The following GPC5 variants were observed in gnomAD, a reference collection of about 807,000 sequenced individuals.
GPC5 encodes glypican 5.
GPC5 carries 47 observed loss-of-function variants against 53.9 expected under a neutral mutation model. The ratio of observed to expected loss-of-function variants is 0.87; its 90% CI spans 0.69 to 1.11. GPC5 has a LOEUF of 1.11. GPC5 is among the 50% of genes most tolerant of loss of function. GPC5 has a pLI of 0.00. For synonymous variants in GPC5, 286 were observed against 263.3 expected (o/e 1.09, Z -0.84); for missense variants, 748 against 713.1 (o/e 1.05, Z -0.56).
Position 91,756,431 on chromosome 13 carries a change from T to C in GPC5, c.1280+11T>C. ...AGATATAGTAAAAAGGTATTTTATG[T>C]GGTCTGTGAAAACCTACTAGTTACA... On this transcript the variant is annotated intron_variant, in intron 5 of 7. Coordinates refer to ENST00000377067, the MANE Select transcript of GPC5 (RefSeq NM_004466.6). 6.4e-7 allele frequency: 1 copy of C among 1,561,696 alleles called. No individual in the cohort carries two copies.
At chr13:91,706,870 C>G (rs569993931) in intron 3 of GPC5, among the ~76,000 whole-genome samples, 3 of 151,692 alleles carry the variant, frequency 2.0e-5, no homozygotes, top group Admixed American at 6.6e-5. Context: ...TAGTGAATAT[C>G]GAGTAGTTAG....
At chr13:92,279,324 A>C (rs2042897096) in intron 7 of GPC5, among the ~76,000 whole-genome samples, 1 of 152,006 alleles carries the variant, frequency 6.6e-6, no homozygotes, top group Non-Finnish European at 1.5e-5. Context: ...TTGATTGTTC[A>C]TTGCCATTGT....
At chr13:92,244,123 C>A (rs1594031596) in intron 7 of GPC5, among the ~76,000 whole-genome samples, 1 of 152,140 alleles carries the variant, frequency 6.6e-6, no homozygotes, top group South Asian at 2.1e-4. Flanking sequence ...TTCATAAGAA[C>A]TGAAGCTTAA....
chr13:92,676,836 C>T (rs1886958868), intron 7 of GPC5, among the ~76,000 whole-genome samples: 1 of 152,044 alleles, frequency 6.6e-6, no homozygotes, highest in Non-Finnish European at 1.5e-5. Context: ...TAGAAACCTT[C>T]TATTCAAATA....
chr13:91,497,514 T>C (rs1034605701), intron 2 of GPC5, among the ~76,000 whole-genome samples: 2 of 152,232 alleles, frequency 1.3e-5, no homozygotes, highest in African/African-American at 2.4e-5. Context: ...AAGTCACTTA[T>C]TGATTGCATT....
rs947199504 is a variant in GPC5, at chr13:91,606,346, A to G, written c.326-86841A>G. On this transcript the variant is annotated intron_variant, in intron 2 of 7. Coordinates refer to ENST00000377067, the MANE Select transcript of GPC5 (RefSeq NM_004466.6). ...GATAAGCTTTTTGATGTGCTGCTGGATTCTGTTTGCCAGTATTTTATTGAG... is the reference window on the plus strand; with the variant it reads ...GATAAGCTTTTTGATGTGCTGCTGGGTTCTGTTTGCCAGTATTTTATTGAG... Among the ~76,000 whole-genome samples the G allele has an allele frequency of 2.4e-3, 352 of 148,112 alleles. 2 individuals carry two copies. Among genetic ancestry groups the G allele is most frequent in the African/African-American group, 7.9e-3 (320 of 40,386 alleles).
intron 6 of GPC5, among the ~76,000 whole-genome samples, chr13:91,913,396 C>CAAA (rs112059435): frequency 1.5e-4 from 15 of 101,014 alleles, no homozygotes; most frequent in African/African-American, 1.8e-4. Flanking sequence ...AAGACTCTGT[C>CAAA]AAAAAAAAAA....
At chr13:92,030,374 G>T (rs61966419) in intron 6 of GPC5, among the ~76,000 whole-genome samples, 46 of 151,992 alleles carry the variant, frequency 3.0e-4, no homozygotes, top group Non-Finnish European at 6.3e-4. Context: ...TCTTTCTGTT[G>T]CATTCGTTGA....
chr13:92,780,021 G>C (rs923568302), intron 7 of GPC5, among the ~76,000 whole-genome samples: 1 of 151,920 alleles, frequency 6.6e-6, no homozygotes, highest in African/African-American at 2.4e-5. Flanking sequence ...ATATCCCCAG[G>C]CTATGAAATT....
chr13:91,606,167 GT>G (rs963877048), intron 2 of GPC5, among the ~76,000 whole-genome samples: 62 of 146,698 alleles, frequency 4.2e-4, no homozygotes, highest in African/African-American at 1.5e-3. Flanking sequence ...AGCATGAAGG[GT>G]TGTTGAATTT....
chr13:92,709,124 T>C (rs1026710944), intron 7 of GPC5, among the ~76,000 whole-genome samples: 2 of 151,736 alleles, frequency 1.3e-5, no homozygotes, highest in Non-Finnish European at 1.5e-5. Context: ...CTCAGCTCAC[T>C]GCAACCTCCG....
chr13:92,461,230 G>A (rs1384140641), intron 7 of GPC5, among the ~76,000 whole-genome samples: 1 of 152,150 alleles, frequency 6.6e-6, no homozygotes, highest in Admixed American at 6.6e-5. Context: ...GATTTTTGAG[G>A]AGCAGAAAAA....
intron 2 of GPC5, among the ~76,000 whole-genome samples, chr13:91,676,109 C>T (rs1307990146): frequency 3.3e-5 from 5 of 152,128 alleles, no homozygotes; most frequent in Admixed American, 6.5e-5. Flanking sequence ...CTCCCTCTGT[C>T]GCCCAGGCTG....
chr13:91,461,890 A>C (rs993866175), intron 2 of GPC5, among the ~76,000 whole-genome samples: 3 of 152,204 alleles, frequency 2.0e-5, no homozygotes, highest in African/African-American at 7.2e-5. Context: ...TCACATTGTG[A>C]GTGCTTAGGA....
chr13:92,845,969 C>T (rs934381608), intron 7 of GPC5, among the ~76,000 whole-genome samples: 1 of 152,058 alleles, frequency 6.6e-6, no homozygotes, highest in African/African-American at 2.4e-5. Flanking sequence ...TAAAATGGCT[C>T]TAAGCTTCAC....
At chr13:91,526,732 A>T (rs1271922285) in intron 2 of GPC5, among the ~76,000 whole-genome samples, 1 of 152,164 alleles carries the variant, frequency 6.6e-6, no homozygotes, top group Non-Finnish European at 1.5e-5. Context: ...ACTGCCTGAG[A>T]CTGGGTAATT....
At chr13:91,534,905 C>T (rs1886516406) in intron 2 of GPC5, among the ~76,000 whole-genome samples, 1 of 152,162 alleles carries the variant, frequency 6.6e-6, no homozygotes, top group Non-Finnish European at 1.5e-5. Context: ...TTCTTCTTCA[C>T]AGTGTGGCCA....
At chr13:92,785,515 C>T (rs1195755631) in intron 7 of GPC5, among the ~76,000 whole-genome samples, 2 of 152,174 alleles carry the variant, frequency 1.3e-5, no homozygotes, top group Non-Finnish European at 2.9e-5. Flanking sequence ...AGAGGCCATG[C>T]AGCATCAATG....
chr13:92,036,021 G>C (rs80178106), intron 6 of GPC5, among the ~76,000 whole-genome samples: 8,266 of 152,162 alleles, frequency 0.054, 312 homozygotes, highest in Non-Finnish European at 0.079. Context: ...ACTGGCCCCC[G>C]GGGTTGTTTT....
Sources: allele counts gnomAD v4.1 joint callset (sites outside exome capture counted in the v4.1 genomes callset), GRCh38; gene constraint gnomAD v4.1.1; transcripts MANE v1.5; gene names NCBI Gene and HGNC (gene_info 2026-07-23, HGNC 2026-07-21).